The following STK32B variants were observed in gnomAD, a reference collection of about 807,000 sequenced individuals.
The protein encoded by STK32B is serine/threonine kinase 32B, also known as serine/threonine-protein kinase 32B.
In STK32B, 43 loss-of-function variants were observed where a neutral mutation model predicts 52.6. That is an observed-to-expected ratio of 0.82 (90% confidence interval 0.64 to 1.05). The LOEUF (loss-of-function observed/expected upper bound fraction) is 1.05. STK32B is among the 50% of genes least tolerant of loss of function. The pLI is 0.00. For synonymous variants in STK32B, 238 were observed against 204.3 expected (o/e 1.17, Z -1.41); for missense variants, 621 against 534.6 (o/e 1.16, Z -1.59).
chr4:5,390,798 A>G (rs140058602), intron 4 of STK32B, among the ~76,000 whole-genome samples: 1 of 152,030 alleles, frequency 6.6e-6, no homozygotes, highest in Admixed American at 6.6e-5. Context: ...ATGTTGGTAC[A>G]ATTGGTTCTC....
rs1043344473 is a variant in STK32B at position 5,469,635 on chromosome 4, C to A, written c.1106+1565C>A. On this transcript the variant is annotated intron_variant, in intron 11 of 11. Coordinates refer to ENST00000282908, the MANE Select transcript of STK32B (RefSeq NM_018401.3). This position sits in a 1 kb window ranked among gnomAD's most constrained non-coding sequence, Gnocchi z 4.7. ...AAAGGAGGCAGCAGCCTTTCACTGA[C>A]CCTGAGTGGCTATAGCTCTGAGGGC... Among the ~76,000 whole-genome samples the A allele has an allele frequency of 6.6e-6, 1 of 152,184 alleles. No homozygotes were observed. The highest frequency in any genetic ancestry group is 1.5e-5 in the Non-Finnish European group (1 of 68,018).
chr4:5,427,935 GCTTA>G (rs1713237640), intron 6 of STK32B, among the ~76,000 whole-genome samples: 1 of 150,330 alleles, frequency 6.7e-6, no homozygotes, highest in East Asian at 1.9e-4. Flanking sequence ...CCTTCTCTCT[GCTTA>G]CTTTGAATTT....
chr4:5,355,346 G>A (rs1006611273), intron 4 of STK32B, among the ~76,000 whole-genome samples: 7 of 152,014 alleles, frequency 4.6e-5, no homozygotes, highest in Non-Finnish European at 7.4e-5. Flanking sequence ...TGCAACCCTC[G>A]TCTGGCTCCA....
chr4:5,050,467 C>T (rs1285315540), upstream of STK32B, among the ~76,000 whole-genome samples: 1 of 152,116 alleles, frequency 6.6e-6, no homozygotes, highest in Non-Finnish European at 1.5e-5. Flanking sequence ...GCTTCCCTCA[C>T]CCTTCTCCCA....
chr4:5,494,387 G>A (rs7657355), intron 11 of STK32B, among the ~76,000 whole-genome samples: 5,728 of 147,184 alleles, frequency 0.039, 405 homozygotes, highest in African/African-American at 0.14. Context: ...ATCAGAGATT[G>A]GGATTGCAAC....
chr4:5,299,547 G>T (rs962234099), intron 3 of STK32B, among the ~76,000 whole-genome samples: 3 of 151,894 alleles, frequency 2.0e-5, no homozygotes, highest in African/African-American at 4.8e-5. Flanking sequence ...GTTTATTTTT[G>T]CTTGCTTTGC....
At position 5,499,066 on chromosome 4, in the gene STK32B, C is replaced by T. The variant is rs769500569; in HGVS notation, c.1228C>T (p.Arg410Cys). The change falls in exon 12 of 12, where the codon CGT becomes TGT. Residue 410 changes from arginine (R) to cysteine (C), a missense_variant. Coordinates refer to ENST00000282908, the MANE Select transcript of STK32B (RefSeq NM_018401.3). ...CAACCTCCTCACCCACACCTGCACC[C>T]GTGGCTGCAGCAGCTGAGCCCACAC... ...NNNLLTHTCT[R>C]GCSS 1.4e-5 allele frequency: 22 copies of T among 1,611,216 alleles called. No individual in the cohort carries two copies. The highest frequency in any genetic ancestry group is 2.7e-5 in the African/African-American group (2 of 74,780).
chr4:5,406,659 G>A (rs1052309471), intron 5 of STK32B, among the ~76,000 whole-genome samples: 1 of 152,152 alleles, frequency 6.6e-6, no homozygotes, highest in Non-Finnish European at 1.5e-5. Flanking sequence ...GCACCCTTTG[G>A]AGCAGTGGCC....
At chr4:5,449,641 A>G (rs1715798549) in intron 7 of STK32B, among the ~76,000 whole-genome samples, 1 of 152,086 alleles carries the variant, frequency 6.6e-6, no homozygotes, top group Non-Finnish European at 1.5e-5. Context: ...GTGAAGGTGA[A>G]TGGCAAGTGA....
intron 2 of STK32B, among the ~76,000 whole-genome samples, chr4:5,155,802 C>T (rs561848953): frequency 8.5e-5 from 13 of 152,114 alleles, no homozygotes; most frequent in African/African-American, 1.9e-4. Context: ...CCTGGCCAAA[C>T]GGAACTGTGA....
chr4:5,079,380 T>C (rs1022755282), intron 1 of STK32B, among the ~76,000 whole-genome samples: 1 of 152,204 alleles, frequency 6.6e-6, no homozygotes, highest in Admixed American at 6.5e-5. Context: ...ATCTTGACTT[T>C]ATTCCCAAAT....
intron 3 of STK32B, among the ~76,000 whole-genome samples, chr4:5,270,465 T>C (rs747063986): frequency 2.0e-5 from 3 of 152,142 alleles, no homozygotes; most frequent in South Asian, 4.2e-4. Context: ...CCCAGTCCAC[T>C]GACTCAAAGG....
At chr4:5,482,385 TTGTC>T (rs1282325183) in intron 11 of STK32B, among the ~76,000 whole-genome samples, 1 of 152,162 alleles carries the variant, frequency 6.6e-6, no homozygotes, top group Non-Finnish European at 1.5e-5. Flanking sequence ...GGCTCTCTGT[TTGTC>T]TGTTATTGGT....
intron 3 of STK32B, among the ~76,000 whole-genome samples, chr4:5,241,223 T>C (rs941918621): frequency 3.3e-5 from 5 of 152,184 alleles, no homozygotes; most frequent in South Asian, 2.1e-4. Context: ...TTTCAAGTCA[T>C]GGATTTATTT....
chr4:5,185,943 C>T (rs1720705744), intron 3 of STK32B, among the ~76,000 whole-genome samples: 1 of 152,178 alleles, frequency 6.6e-6, no homozygotes, highest in Non-Finnish European at 1.5e-5. Context: ...GGTGATCTGT[C>T]ATACATCCTA....
intron 3 of STK32B, among the ~76,000 whole-genome samples, chr4:5,313,758 C>G (rs1730472756): frequency 6.6e-6 from 1 of 152,126 alleles, no homozygotes; most frequent in Non-Finnish European, 1.5e-5. Flanking sequence ...GTATACAGCA[C>G]TAGCATCCAA....
intron 2 of STK32B, among the ~76,000 whole-genome samples, chr4:5,164,152 A>T (rs181241320): frequency 3.9e-5 from 6 of 152,304 alleles, no homozygotes; most frequent in African/African-American, 7.2e-5. Context: ...AACAGTGGAA[A>T]TTTATTATCT....
rs926987697 is a variant in STK32B at position 5,218,772 on chromosome 4, C to T, written c.260+50322C>T. Reference sequence around the variant, plus strand: ...AAAATGCAGAGTAGAAGGTGGTTTCCTTGCTGGGCCAAGAAAACGGTCAAG... The same window carrying T: ...AAAATGCAGAGTAGAAGGTGGTTTCTTTGCTGGGCCAAGAAAACGGTCAAG... On this transcript the variant is annotated intron_variant, in intron 3 of 11. Coordinates refer to ENST00000282908, the MANE Select transcript of STK32B (RefSeq NM_018401.3). Among the ~76,000 whole-genome samples, 18 of 152,318 alleles carry T rather than the reference C, an allele frequency of 1.2e-4. No individual in the cohort carries two copies. The East Asian group carries it at 3.1e-3, about 26-fold the overall frequency.
At chr4:5,290,516 C>G (rs35657675) in intron 3 of STK32B, among the ~76,000 whole-genome samples, 1 of 152,116 alleles carries the variant, frequency 6.6e-6, no homozygotes, top group African/African-American at 2.4e-5. Context: ...TCTTTATCTC[C>G]GTTATAATCT....
Sources: allele counts gnomAD v4.1 joint callset (sites outside exome capture counted in the v4.1 genomes callset), GRCh38; gene constraint gnomAD v4.1.1; non-coding constraint Gnocchi (gnomAD v3.1); transcripts MANE v1.5; gene names NCBI Gene and HGNC (gene_info 2026-07-23, HGNC 2026-07-21).